Variants in SOX6 observed in about 807,000 individuals in gnomAD.
The protein encoded by SOX6 is SRY-box transcription factor 6, also known as transcription factor SOX-6.
In SOX6, 11 loss-of-function variants were observed where a neutral mutation model predicts 97.8. That is an observed-to-expected ratio of 0.11 (90% CI 0.07 to 0.19). The LOEUF (loss-of-function observed/expected upper bound fraction) is 0.19, where lower values mean the gene tolerates loss of function less well. SOX6 is among the 10% of genes least tolerant of loss of function. The pLI, the probability that SOX6 is intolerant of heterozygous loss-of-function variation, is 1.00. For synonymous variants in SOX6, 360 were observed against 371.4 expected, an observed-to-expected ratio of 0.97 and a Z score of 0.35; for missense variants, 810 against 1,039.5, an observed-to-expected ratio of 0.78 and a Z score of 3.04.
intron 1 of SOX6, among the ~76,000 whole-genome samples, chr11:16,354,375 A>T (rs1451023691): frequency 6.6e-6 from 1 of 152,042 alleles, no homozygotes; most frequent in African/African-American, 2.4e-5. Flanking sequence ...CATCACAATA[A>T]ATAAAAATTC....
intron 12 of SOX6, among the ~76,000 whole-genome samples, chr11:16,032,564 T>C (rs1030188915): frequency 6.6e-6 from 1 of 152,174 alleles, no homozygotes; most frequent in African/African-American, 2.4e-5. Flanking sequence ...AGTTTATCTA[T>C]GTGGAGAAAT....
chr11:16,583,614 C>CATATATACATATAT (rs1554976095), intron 4 of SOX6, among the ~76,000 whole-genome samples: 5 of 104,706 alleles, frequency 4.8e-5, no homozygotes, highest in Admixed American at 9.9e-5. Flanking sequence ...TATATATATA[C>CATATATACATATAT]ATATATATAT....
chr11:16,144,545 A>C (rs1441423567), intron 6 of SOX6, among the ~76,000 whole-genome samples: 1 of 152,212 alleles, frequency 6.6e-6, no homozygotes, highest in Non-Finnish European at 1.5e-5. Context: ...CCTTCAAAAA[A>C]TCAATGAATC....
At chr11:15,984,704 A>C (rs1014715434) in intron 15 of SOX6, among the ~76,000 whole-genome samples, 3 of 152,314 alleles carry the variant, frequency 2.0e-5, no homozygotes, top group African/African-American at 7.2e-5. Context: ...ATTTATTAAC[A>C]TACTGGGATC....
intron 6 of SOX6, among the ~76,000 whole-genome samples, chr11:16,156,684 C>T (rs1335118037): frequency 6.6e-6 from 1 of 151,978 alleles, no homozygotes; most frequent in Non-Finnish European, 1.5e-5. Context: ...TTACTGGCCT[C>T]CTGGCTACAC....
chr11:16,133,829 C>G (rs756194637), intron 6 of SOX6, among the ~76,000 whole-genome samples: 3 of 152,164 alleles, frequency 2.0e-5, no homozygotes, highest in Admixed American at 6.5e-5. Flanking sequence ...GCTGGGATGA[C>G]AGGCGCCCTC....
intron 4 of SOX6, among the ~76,000 whole-genome samples, chr11:16,486,732 C>T (rs1034800715): frequency 2.6e-4 from 40 of 151,978 alleles, no homozygotes; most frequent in African/African-American, 8.9e-4. Context: ...ATGATAGTCC[C>T]GGCTACTCAG....
intron 6 of SOX6, among the ~76,000 whole-genome samples, chr11:16,128,461 C>T (rs569338209): frequency 6.6e-6 from 1 of 152,140 alleles, no homozygotes; most frequent in East Asian, 1.9e-4. Context: ...AACATAAATG[C>T]CAGATAAATG....
intron 3 of SOX6, among the ~76,000 whole-genome samples, chr11:16,249,411 A>G (rs1362750475): frequency 6.6e-6 from 1 of 152,210 alleles, no homozygotes; most frequent in Admixed American, 6.5e-5. Flanking sequence ...CAAGTTCCTT[A>G]TCTCCATCTG....
intron 4 of SOX6, among the ~76,000 whole-genome samples, chr11:16,554,889 C>T (rs1425361355): frequency 6.6e-6 from 1 of 151,874 alleles, no homozygotes; most frequent in African/African-American, 2.4e-5. Flanking sequence ...TCTTACAAAT[C>T]AGTTGTTTTG....
chr11:16,306,683 T>C (rs2134282722), intron 3 of SOX6, among the ~76,000 whole-genome samples: 1 of 145,856 alleles, frequency 6.9e-6, no homozygotes, highest in South Asian at 2.3e-4. Context: ...TAGAGTGCAG[T>C]GGCACGATCT....
At chr11:16,658,916 AAAG>A (rs147310919) in intron 3 of SOX6, among the ~76,000 whole-genome samples, 1,704 of 152,316 alleles carry the variant, frequency 0.011, 22 homozygotes, top group African/African-American at 0.038. Flanking sequence ...TTTTTTAAAA[AAAG>A]AAGTTCTTTA....
intron 3 of SOX6, among the ~76,000 whole-genome samples, chr11:16,291,159 G>A (rs1274484095): frequency 6.7e-6 from 1 of 149,886 alleles, no homozygotes; most frequent in African/African-American, 2.5e-5. Context: ...GGAGAAGATA[G>A]GGGGATAATA....
At chr11:16,642,420 T>A (rs1006568794) in intron 3 of SOX6, among the ~76,000 whole-genome samples, 8 of 152,262 alleles carry the variant, frequency 5.3e-5, no homozygotes, top group African/African-American at 1.4e-4. Flanking sequence ...TTGAGGAGTA[T>A]CTTTGTGGTG....
At chr11:16,479,584 A>C (rs1210220852), upstream of SOX6, among the ~76,000 whole-genome samples, 1 of 152,026 alleles carries the variant, frequency 6.6e-6, no homozygotes, top group Non-Finnish European at 1.5e-5. Context: ...AAATGAAGAA[A>C]TGCAAATGTC....
At chr11:16,377,729 A>G (rs932876255) in intron 1 of SOX6, among the ~76,000 whole-genome samples, 3 of 152,302 alleles carry the variant, frequency 2.0e-5, no homozygotes, top group Admixed American at 6.5e-5. Flanking sequence ...CAGAAGAGTC[A>G]GGATTTTACT....
intron 6 of SOX6, among the ~76,000 whole-genome samples, chr11:16,120,737 T>A (rs1400722486): frequency 1.3e-5 from 2 of 152,112 alleles, no homozygotes; most frequent in Admixed American, 6.6e-5. Context: ...GAAAAAGATT[T>A]ATCTTGTCAC....
chr11:16,699,779 G>A (rs192579579), intron 3 of SOX6, among the ~76,000 whole-genome samples: 1 of 152,210 alleles, frequency 6.6e-6, no homozygotes, highest in East Asian at 1.9e-4. Context: ...TGCTTTAACT[G>A]CTATAATTGC....
chr11:16,138,865 A>G (rs1484218357), intron 6 of SOX6, among the ~76,000 whole-genome samples: 1 of 152,124 alleles, frequency 6.6e-6, no homozygotes, highest in Non-Finnish European at 1.5e-5. Flanking sequence ...CCTTGTCCCT[A>G]CAAAGGACAT....
Sources: gnomAD v4.1 joint callset for allele counts (sites outside exome capture counted in the v4.1 genomes callset) on GRCh38, gnomAD v4.1.1 for gene constraint, MANE v1.5 for transcripts, NCBI Gene and HGNC (gene_info 2026-07-23, HGNC 2026-07-21) for gene names.